Variants in KIAA0825 observed in about 807,000 individuals in gnomAD.
KIAA0825 encodes KIAA0825, also known as uncharacterized protein KIAA0825.
In KIAA0825, 119 loss-of-function variants were observed where a neutral mutation model predicts 147.6. The observed-to-expected ratio is 0.81, with a 90% CI of 0.69 to 0.94. KIAA0825 has a LOEUF of 0.94. KIAA0825 is among the 40% of genes least tolerant of loss of function. The pLI is 0.00. For missense variants in KIAA0825, 1,381 were observed against 1,472.7 expected, an observed-to-expected ratio of 0.94 and a Z score of 1.02; for synonymous variants, 470 against 518.1, an observed-to-expected ratio of 0.91 and a Z score of 1.26.
intron 20 of KIAA0825, among the ~76,000 whole-genome samples, chr5:94,205,336 C>T (rs1349527732): frequency 1.4e-5 from 2 of 142,860 alleles, no homozygotes; most frequent in Admixed American, 1.4e-4. Context: ...GAGTCTTGCT[C>T]TGTCACCCAG....
At chr5:94,449,745 A>C (rs573926334) in intron 13 of KIAA0825, among the ~76,000 whole-genome samples, 1 of 152,344 alleles carries the variant, frequency 6.6e-6, no homozygotes, top group East Asian at 1.9e-4. Context: ...TGAATAAAAG[A>C]GAAATCAAAG....
At chr5:94,170,984 A>G (rs1460669940) in intron 20 of KIAA0825, among the ~76,000 whole-genome samples, 1 of 152,204 alleles carries the variant, frequency 6.6e-6, no homozygotes, top group Non-Finnish European at 1.5e-5. Context: ...ATTAAATTAC[A>G]CAAAAAGAGT....
intron 5 of KIAA0825, among the ~76,000 whole-genome samples, chr5:94,497,119 A>G (rs1022761846): frequency 6.6e-6 from 1 of 152,240 alleles, no homozygotes; most frequent in African/African-American, 2.4e-5. Flanking sequence ...ATTAAAACCA[A>G]AATGAGGAAA....
chr5:94,488,219 T>C (rs1763294573), intron 5 of KIAA0825, among the ~76,000 whole-genome samples: 1 of 152,180 alleles, frequency 6.6e-6, no homozygotes, highest in African/African-American at 2.4e-5. Flanking sequence ...ATACAATCAA[T>C]CCAGGAGTTC....
At chr5:94,226,967 A>G (rs1336256474) in intron 20 of KIAA0825, among the ~76,000 whole-genome samples, 1 of 152,230 alleles carries the variant, frequency 6.6e-6, no homozygotes, top group Non-Finnish European at 1.5e-5. Flanking sequence ...AACTAGTTCA[A>G]CCCTTGTGGA....
intron 20 of KIAA0825, among the ~76,000 whole-genome samples, chr5:94,217,760 A>C (rs756769118): frequency 3.9e-5 from 6 of 152,210 alleles, no homozygotes; most frequent in Admixed American, 6.6e-5. Context: ...TTAAGGTGTC[A>C]GTAGTGAGAA....
intron 14 of KIAA0825, among the ~76,000 whole-genome samples, chr5:94,425,550 G>A (rs527665905): frequency 6.6e-6 from 1 of 152,214 alleles, no homozygotes; most frequent in East Asian, 1.9e-4. Flanking sequence ...ACCAGACTGG[G>A]CAACACAGCA....
At chr5:94,199,570 G>A (rs1771467628) in intron 20 of KIAA0825, among the ~76,000 whole-genome samples, 1 of 152,134 alleles carries the variant, frequency 6.6e-6, no homozygotes, top group South Asian at 2.1e-4. Context: ...GCATGGGTGT[G>A]TGTACACCAG....
chr5:94,217,144 C>T (rs1773276102), intron 20 of KIAA0825, among the ~76,000 whole-genome samples: 2 of 152,038 alleles, frequency 1.3e-5, no homozygotes. Flanking sequence ...CATTTGAGAA[C>T]TCAAATATCT....
chr5:94,460,984 C>T (rs1487419782), intron 12 of KIAA0825, among the ~76,000 whole-genome samples: 2 of 151,814 alleles, frequency 1.3e-5, no homozygotes, highest in African/African-American at 4.8e-5. Context: ...CAGTGCTTAG[C>T]GTAAAATGTT....
At chr5:94,409,316 G>T (rs1752469936) in intron 15 of KIAA0825, among the ~76,000 whole-genome samples, 1 of 152,138 alleles carries the variant, frequency 6.6e-6, no homozygotes, top group Admixed American at 6.5e-5. Context: ...GGAAATATAT[G>T]CAAAATAACT....
intron 14 of KIAA0825, among the ~76,000 whole-genome samples, chr5:94,434,180 A>G (rs758248522): frequency 2.6e-5 from 4 of 152,208 alleles, no homozygotes; most frequent in African/African-American, 4.8e-5. Flanking sequence ...TCAGTGTTAA[A>G]AGCCACCTAC....
At chr5:94,221,691 G>T (rs1163632486) in intron 20 of KIAA0825, among the ~76,000 whole-genome samples, 2 of 152,162 alleles carry the variant, frequency 1.3e-5, no homozygotes, top group African/African-American at 4.8e-5. Context: ...GAGCTTTCAA[G>T]ATTTCAAGAT....
At chr5:94,207,714 C>G (rs949421017) in intron 20 of KIAA0825, among the ~76,000 whole-genome samples, 2 of 152,168 alleles carry the variant, frequency 1.3e-5, no homozygotes, top group African/African-American at 4.8e-5. Flanking sequence ...ATACTACTTT[C>G]AAGAACCTGG....
chr5:94,406,055 T>A (rs1326434460), intron 15 of KIAA0825, among the ~76,000 whole-genome samples: 1 of 152,084 alleles, frequency 6.6e-6, no homozygotes, highest in Non-Finnish European at 1.5e-5. Flanking sequence ...GCCTCCTGAG[T>A]AGCTGGGATT....
intron 20 of KIAA0825, among the ~76,000 whole-genome samples, chr5:94,188,391 C>T (rs1487982394): frequency 6.6e-6 from 1 of 152,172 alleles, no homozygotes. Flanking sequence ...TTATGCCATA[C>T]TGATAGCTCT....
intron 20 of KIAA0825, among the ~76,000 whole-genome samples, chr5:94,363,688 C>A (rs1319980831): frequency 6.6e-6 from 1 of 152,044 alleles, no homozygotes; most frequent in South Asian, 2.1e-4. Flanking sequence ...ATGCAAGAAC[C>A]CATCTCTACA....
chr5:94,374,643 A>G (rs549799688), intron 20 of KIAA0825, among the ~76,000 whole-genome samples: 2 of 152,270 alleles, frequency 1.3e-5, no homozygotes, highest in African/African-American at 4.8e-5. Flanking sequence ...CCTACAAGGC[A>G]TGGGACTTTT....
intron 13 of KIAA0825, among the ~76,000 whole-genome samples, chr5:94,451,422 G>A (rs1172291797): frequency 3.3e-5 from 5 of 152,114 alleles, no homozygotes; most frequent in African/African-American, 1.2e-4. Context: ...TTAGATAAAA[G>A]GGCAAAAATA....
Sources: allele counts gnomAD v4.1 joint callset (sites outside exome capture counted in the v4.1 genomes callset), GRCh38; gene constraint gnomAD v4.1.1; transcripts MANE v1.5; gene names NCBI Gene and HGNC (gene_info 2026-07-23, HGNC 2026-07-21).